Variants in CCDC3 observed in about 807,000 individuals in gnomAD.
The protein encoded by CCDC3 is coiled-coil domain containing 3, also known as coiled-coil domain-containing protein 3.
CCDC3 carries 24 observed loss-of-function variants against 21.4 expected under a neutral mutation model. The observed-to-expected ratio is 1.12, with a 90% confidence interval of 0.81 to 1.58. The LOEUF is 1.58. Ranked by LOEUF, CCDC3 falls within the 40% of genes most tolerant of loss-of-function variation. The pLI, the probability that CCDC3 is intolerant of heterozygous loss-of-function variation, is 0.00. For missense variants in CCDC3, 425 were observed against 360.9 expected (o/e 1.18, Z -1.44); for synonymous variants, 186 against 166.0 (o/e 1.12, Z -0.93).
At chr10:13,041,424 A>G (rs749236533) in intron 5 of CCDC3, among the ~76,000 whole-genome samples, 7 of 143,788 alleles carry the variant, frequency 4.9e-5, no homozygotes, top group Non-Finnish European at 1.0e-4. Context: ...ACACCGTGAT[A>G]TCTTGTTCCA....
chr10:12,988,479 G>C (rs1177512786), intron 2 of CCDC3, among the ~76,000 whole-genome samples: 1 of 152,116 alleles, frequency 6.6e-6, no homozygotes, highest in African/African-American at 2.4e-5. Flanking sequence ...GAGTAGCTGG[G>C]ATTATAGGTA....
intron 5 of CCDC3, among the ~76,000 whole-genome samples, chr10:13,027,367 T>G (rs1435176000): frequency 6.6e-6 from 1 of 152,164 alleles, no homozygotes; most frequent in East Asian, 1.9e-4. Context: ...AGTAACTCCC[T>G]TTAGAAATGG....
intron 2 of CCDC3, among the ~76,000 whole-genome samples, chr10:12,963,091 C>T (rs532707651): frequency 5.3e-5 from 8 of 152,270 alleles, no homozygotes; most frequent in African/African-American, 1.9e-4. Context: ...AGTTAAACAC[C>T]ACTTTCAACT....
At chr10:12,913,243 T>C (rs1589001643) in intron 2 of CCDC3, among the ~76,000 whole-genome samples, 1 of 152,268 alleles carries the variant, frequency 6.6e-6, no homozygotes, top group Non-Finnish European at 1.5e-5. Context: ...CATTTATTTG[T>C]ATCTTCAGTT....
At chr10:12,931,761 C>CA (rs1834647131) in intron 2 of CCDC3, among the ~76,000 whole-genome samples, 1 of 152,174 alleles carries the variant, frequency 6.6e-6, no homozygotes, top group Non-Finnish European at 1.5e-5. Context: ...GTGGTACATA[C>CA]AGCCAGGATA....
At chr10:12,930,608 G>C (rs1472558152) in intron 2 of CCDC3, among the ~76,000 whole-genome samples, 1 of 152,162 alleles carries the variant, frequency 6.6e-6, no homozygotes, top group East Asian at 1.9e-4. Flanking sequence ...CCACATTCTA[G>C]AGCACTGATT....
chr10:12,915,934 C>T (rs998651581), intron 2 of CCDC3, among the ~76,000 whole-genome samples: 2 of 151,878 alleles, frequency 1.3e-5, no homozygotes, highest in East Asian at 1.9e-4. Context: ...GCAGGGTGGA[C>T]CTGGGGCAGG....
At chr10:13,066,699 A>G (rs1289420170) in intron 4 of CCDC3, among the ~76,000 whole-genome samples, 4 of 152,016 alleles carry the variant, frequency 2.6e-5, no homozygotes, top group Admixed American at 2.6e-4. Context: ...CAGATGAGGG[A>G]ACCTGCCCAG....
intron 5 of CCDC3, among the ~76,000 whole-genome samples, chr10:13,016,967 G>A (rs759507450): frequency 6.6e-5 from 10 of 152,026 alleles, no homozygotes; most frequent in Non-Finnish European, 1.2e-4. Context: ...ACAAGGGACC[G>A]AACTCTAGAC....
intron 5 of CCDC3, among the ~76,000 whole-genome samples, chr10:13,040,372 TGGA>T (rs760663975): frequency 7.9e-5 from 12 of 152,128 alleles, no homozygotes; most frequent in Non-Finnish European, 1.2e-4. Context: ...TATCTATCAG[TGGA>T]GGTTGAACAA....
At chr10:13,047,282 G>T (rs909250623) in intron 5 of CCDC3, among the ~76,000 whole-genome samples, 1 of 152,202 alleles carries the variant, frequency 6.6e-6, no homozygotes, top group African/African-American at 2.4e-5. Context: ...AAGCCCATGG[G>T]TTTGAAAAGT....
intron 4 of CCDC3, chr10:13,058,048 G>A: frequency 1.3e-6 from 1 of 747,634 alleles, no homozygotes. Context: ...CCTCCATTAA[G>A]TAGCACATGT....
intron 4 of CCDC3, among the ~76,000 whole-genome samples, chr10:13,067,171 G>A (rs1836829708): frequency 6.6e-6 from 1 of 152,200 alleles, no homozygotes; most frequent in South Asian, 2.1e-4. Context: ...ATAGACTGGC[G>A]AATGGTGGGT....
intron 5 of CCDC3, among the ~76,000 whole-genome samples, chr10:13,041,295 G>A (rs1836450549): frequency 1.3e-5 from 2 of 151,970 alleles, no homozygotes; most frequent in Non-Finnish European, 1.5e-5. Context: ...AGCTAGATGA[G>A]TAGTATTTTG....
At position 12,898,451 on chromosome 10, in the gene CCDC3, G is replaced by A. The variant is rs754059035; in HGVS notation, c.778C>T (p.Arg260Trp). ...AGGTAGGGGGGGCGCACGGGCCCCC[G>A]GGCATTGATGTGCGGCAGCGCGCCC... ...AAGALPHINA[R>W]GPVRPPYLRG Residue 260 changes from arginine (R) to tryptophan (W), a missense_variant, in exon 3 of 3, where the codon CGG becomes TGG. Physicochemically the swap from Arg to Trp is moderately radical, Grantham distance 101. Transcript: ENST00000378825. The A allele has an allele frequency of 7.5e-6, 12 of 1,609,366 alleles. No homozygotes were observed. The highest frequency in any genetic ancestry group is 2.7e-5 in the African/African-American group (2 of 74,754).
At chr10:13,078,932 G>A (rs1027712382) in intron 3 of CCDC3, among the ~76,000 whole-genome samples, 5 of 152,024 alleles carry the variant, frequency 3.3e-5, no homozygotes, top group African/African-American at 1.2e-4. Context: ...AATGGGTGCA[G>A]CACACCAACA....
At chr10:12,987,937 GT>G (rs2131277551) in intron 2 of CCDC3, among the ~76,000 whole-genome samples, 1 of 152,252 alleles carries the variant, frequency 6.6e-6, no homozygotes, top group African/African-American at 2.4e-5. Flanking sequence ...AGTTCCAGTG[GT>G]TTCCCAACTG....
At chr10:13,012,342 A>C (rs1835994360) in intron 5 of CCDC3, among the ~76,000 whole-genome samples, 1 of 152,190 alleles carries the variant, frequency 6.6e-6, no homozygotes, top group African/African-American at 2.4e-5. Context: ...TTAAACCTAC[A>C]AGCAAACAAG....
intron 5 of CCDC3, among the ~76,000 whole-genome samples, chr10:13,025,362 A>T (rs1358761705): frequency 6.6e-6 from 1 of 152,216 alleles, no homozygotes; most frequent in South Asian, 2.1e-4. Context: ...CCCTTGCATC[A>T]GTCTTCCTAA....
Sources: gnomAD v4.1 joint callset for allele counts (sites outside exome capture counted in the v4.1 genomes callset) on GRCh38, gnomAD v4.1.1 for gene constraint, MANE v1.5 for transcripts, NCBI Gene and HGNC (gene_info 2026-07-23, HGNC 2026-07-21) for gene names.